The following ME2 variants were observed in gnomAD, a reference collection of about 807,000 sequenced individuals.
ME2 encodes malic enzyme 2.
A neutral mutation model predicts 73.7 loss-of-function variants in ME2; 60 were observed. That is an observed-to-expected ratio of 0.81 (90% confidence interval 0.66 to 1.01). ME2 has a LOEUF of 1.01. ME2 is among the 50% of genes least tolerant of loss of function. ME2 has a pLI of 0.00. For synonymous variants in ME2, 199 were observed against 236.9 expected (o/e 0.84, Z 1.47); for missense variants, 594 against 705.5 (o/e 0.84, Z 1.79).
chr18:50,915,976 T>C, intron 4 of ME2, 192 bp from the exon 5 acceptor site: 2 of 446,364 alleles, frequency 4.5e-6, no homozygotes, highest in South Asian at 9.1e-5. Flanking sequence ...TTGTTGCATC[T>C]GCTATGAACA....
chr18:50,907,962 C>T, intron 2 of ME2, 101 bp from the exon 3 acceptor site: 1 of 881,268 alleles, frequency 1.1e-6, no homozygotes, highest in South Asian at 2.1e-5. Flanking sequence ...AATAATATGT[C>T]ATTGATTTTT....
Position 50,950,467 on chromosome 18 carries a change from C to CCTTTTTTTTTTTTTTTTTTTTT in ME2, c.*3283_*3284insCTTTTTTTTTTTTTTTTTTTTT, listed in dbSNP as rs1320031263. 4 of 45,074 alleles carry CCTTTTTTTTTTTTTTTTTTTTT rather than the reference C, an allele frequency of 8.9e-5. No homozygotes were observed. Among genetic ancestry groups the CCTTTTTTTTTTTTTTTTTTTTT allele is most frequent in the African/African-American group, 3.5e-4 (4 of 11,286 alleles). 2.8% of individuals were successfully genotyped at this position (45,074 alleles called of 1,614,324 possible). ...GCCTGGGGTGGGGCCTCAGATTCTG[C>CCTTTTTTTTTTTTTTTTTTTTT]TTTTTTTTTTTTTTTTTTTTTTTTT... On this transcript the variant is annotated 3_prime_UTR_variant, in exon 16 of 16. Transcript: ENST00000321341.
chr18:50,888,199 G>C (rs944076143), intron 1 of ME2, among the ~76,000 whole-genome samples: 2 of 152,094 alleles, frequency 1.3e-5, no homozygotes, highest in African/African-American at 2.4e-5. Context: ...ACAAAAATTA[G>C]CTGGGCATGA....
intron 5 of ME2, chr18:50,916,969 A>G (rs1357709942): frequency 6.5e-6 from 1 of 154,980 alleles, no homozygotes; most frequent in Non-Finnish European, 1.4e-5. Context: ...TGTTTGGCCT[A>G]GGTTATTGTG....
intron 13 of ME2, chr18:50,935,168 T>G (rs1224923190): frequency 6.6e-6 from 1 of 152,024 alleles, no homozygotes; most frequent in Non-Finnish European, 1.5e-5. Flanking sequence ...AAAATTTCTC[T>G]GAAATAAGAT....
intron 10 of ME2, 33 bp downstream of exon 10, chr18:50,921,220 G>A (rs904252333): frequency 2.7e-6 from 3 of 1,099,678 alleles, no homozygotes; most frequent in African/African-American, 1.6e-5. Context: ...AAGCAAAAGA[G>A]TGTATTATAT....
chr18:50,930,455 A>AT (rs553668841), intron 12 of ME2, among the ~76,000 whole-genome samples: 6 of 152,180 alleles, frequency 3.9e-5, no homozygotes, highest in Non-Finnish European at 7.3e-5. Flanking sequence ...CTAAAAAAAA[A>AT]TCTTCATAGT....
At chr18:50,927,601 C>CTGAG (rs1223078459) in intron 12 of ME2, among the ~76,000 whole-genome samples, 2 of 150,788 alleles carry the variant, frequency 1.3e-5, no homozygotes, top group Admixed American at 6.6e-5. Flanking sequence ...GCTGGGGAGG[C>CTGAG]TGAGGCAGGA....
At chr18:50,943,451 C>T (rs897804659) in intron 15 of ME2, among the ~76,000 whole-genome samples, 4 of 152,090 alleles carry the variant, frequency 2.6e-5, no homozygotes, top group African/African-American at 7.2e-5. Context: ...AGGCATGCAC[C>T]ATCATGTCCA....
chr18:50,917,501 A>G lies in ME2; in HGVS notation c.623A>G (p.Asp208Gly), dbSNP rs1917313023. The stretch of plus-strand genomic sequence containing the variant: ...CCAGTGTGTATTGATGTGGGAACTG[A>G]TAATATCGTGAGTAACATCATTTTC... ...CLPVCIDVGT[D>G]NIALLKDPFY... Residue 208 changes from aspartate to glycine, a missense_variant, in exon 6 of 16, where the codon GAT becomes GGT. Asp to Gly is a moderately conservative substitution (Grantham distance 94). Coordinates refer to ENST00000321341, the MANE Select transcript of ME2 (RefSeq NM_002396.5). The G allele has an allele frequency of 1.9e-6, 3 of 1,584,536 alleles. No homozygotes were observed. Among genetic ancestry groups the G allele is most frequent in the Non-Finnish European group, 2.6e-6 (3 of 1,160,706 alleles).
intron 4 of ME2, among the ~76,000 whole-genome samples, chr18:50,915,087 ACCC>A (rs1354744844): frequency 2.1e-5 from 3 of 141,288 alleles, no homozygotes; most frequent in Non-Finnish European, 4.5e-5. Flanking sequence ...AGGAAGACCA[ACCC>A]CTCCTCCTCC....
At chr18:50,894,291 C>T (rs538374623) in intron 1 of ME2, among the ~76,000 whole-genome samples, 8 of 152,276 alleles carry the variant, frequency 5.3e-5, no homozygotes, top group East Asian at 1.9e-4. Context: ...TGGCCGGGCG[C>T]GGTGGCCCAC....
chr18:50,917,919 C>G (rs572725278), intron 6 of ME2, among the ~76,000 whole-genome samples, 191 bp from the exon 7 acceptor site: 4 of 151,462 alleles, frequency 2.6e-5, no homozygotes, highest in African/African-American at 9.7e-5. Context: ...TGCAGTGAGC[C>G]GAGATCACAC....
At chr18:50,936,795 G>A (rs1917829615) in intron 13 of ME2, among the ~76,000 whole-genome samples, 1 of 152,050 alleles carries the variant, frequency 6.6e-6, no homozygotes, top group Admixed American at 6.6e-5. Context: ...GCCAGGTGTG[G>A]TGACATGTGC....
In ME2 at chr18:50,912,670, G is replaced by T. The variant is rs548619190; in HGVS notation, c.243-131G>T. The T allele has an allele frequency of 2.4e-4, 186 of 764,606 alleles. No homozygotes were observed. In the African/African-American group the frequency reaches 2.9e-3, roughly 12 times the overall value. The allele number at this position is 764,606 out of a possible 1,614,324, so 47.4% of individuals were successfully genotyped here. ...AAATAGTAATAATCTAAGGTTTTGG[G>T]TTTTTTTTAGAATGTGATGTGAGAA... On this transcript the variant is annotated intron_variant, in intron 3 of 15. Transcript: ENST00000321341.
chr18:50,927,810 AT>A (rs545334028), intron 12 of ME2, among the ~76,000 whole-genome samples: 2,199 of 73,132 alleles, frequency 0.03, 78 homozygotes, highest in African/African-American at 0.093. Context: ...TTGTCATTTA[AT>A]TTTTTTTTTT....
At chr18:50,891,823 T>C (rs1916611693) in intron 1 of ME2, among the ~76,000 whole-genome samples, 1 of 151,744 alleles carries the variant, frequency 6.6e-6, no homozygotes, top group Non-Finnish European at 1.5e-5. Flanking sequence ...AATTTTTTTT[T>C]TTTTTTTTGA....
rs1399356799 is a variant in ME2 at position 50,947,061 on chromosome 18, A to G, written c.1632A>G (p.Pro544=). 6.2e-7 allele frequency: 1 copy of G among 1,613,956 alleles called. No homozygotes were observed. The highest frequency in any genetic ancestry group is 1.7e-5 in the Admixed American group (1 of 60,018). The change falls in exon 16 of 16, where the codon CCA becomes CCG. Residue 544 remains proline, a synonymous_variant. Coordinates refer to ENST00000321341, the MANE Select transcript of ME2 (RefSeq NM_002396.5). ...CTAATAAAATGGCTTTCCGATACCC[A>G]GAACCTGAAGACAAGGCCAAATATG... ...LYANKMAFRY[P]EPEDKAKYVK...
intron 1 of ME2, among the ~76,000 whole-genome samples, chr18:50,886,390 C>T (rs898063257): frequency 2.0e-5 from 3 of 151,732 alleles, no homozygotes; most frequent in Non-Finnish European, 4.4e-5. Context: ...ATTACAAGCA[C>T]GTACCACCCT....
Sources: gnomAD v4.1 joint callset for allele counts (sites outside exome capture counted in the v4.1 genomes callset) on GRCh38, gnomAD v4.1.1 for gene constraint, MANE v1.5 for transcripts, NCBI Gene and HGNC (gene_info 2026-07-23, HGNC 2026-07-21) for gene names.